NSMCE2: variants seen among roughly 807,000 people sequenced by gnomAD.
NSMCE2 encodes the protein NSE2 SUMO ligase component of SMC5/6 complex.
A neutral mutation model predicts 23.8 loss-of-function variants in NSMCE2; 24 were observed. The ratio of observed to expected loss-of-function variants is 1.01; its 90% CI spans 0.73 to 1.42. The LOEUF is 1.42. Ranked by LOEUF, NSMCE2 falls within the 40% of genes most tolerant of loss-of-function variation. The probability of loss-of-function intolerance (pLI) is 0.00; values close to 1 mark genes in which losing one functional copy is unlikely to be tolerated. For missense variants in NSMCE2, 284 were observed against 296.5 expected (o/e 0.96, Z 0.31); for synonymous variants, 92 against 94.1 (o/e 0.98, Z 0.13).
intron 5 of NSMCE2, among the ~76,000 whole-genome samples, chr8:125,198,028 C>T (rs1304652480): frequency 6.6e-6 from 1 of 152,146 alleles, no homozygotes; most frequent in East Asian, 1.9e-4. Context: ...GATTTTTGCA[C>T]ATTGATTTTG....
intron 3 of NSMCE2, among the ~76,000 whole-genome samples, chr8:125,145,536 ATCACTTAGGT>A (rs1309989248): frequency 6.6e-6 from 1 of 152,132 alleles, no homozygotes; most frequent in Non-Finnish European, 1.5e-5. Flanking sequence ...GTTCAAATAT[ATCACTTAGGT>A]TCATTTGATT....
chr8:125,104,571 A>G (rs1818366552), intron 3 of NSMCE2, among the ~76,000 whole-genome samples: 1 of 152,162 alleles, frequency 6.6e-6, no homozygotes, highest in Non-Finnish European at 1.5e-5. Flanking sequence ...TGTTCACTTT[A>G]TAGCTGTCAG....
intron 5 of NSMCE2, among the ~76,000 whole-genome samples, chr8:125,295,308 A>T (rs781362107): frequency 3.2e-4 from 49 of 152,162 alleles, no homozygotes; most frequent in Non-Finnish European, 6.6e-4. Flanking sequence ...TTGGAAGGTG[A>T]CAGAGTTTCA....
intron 5 of NSMCE2, among the ~76,000 whole-genome samples, chr8:125,276,200 C>T (rs1586707107): frequency 6.6e-6 from 1 of 152,198 alleles, no homozygotes; most frequent in East Asian, 1.9e-4. Flanking sequence ...CTGCCCAGGG[C>T]CAGCATTGAC....
intron 5 of NSMCE2, among the ~76,000 whole-genome samples, chr8:125,226,645 G>A (rs1440612580): frequency 6.6e-6 from 1 of 152,202 alleles, no homozygotes; most frequent in Non-Finnish European, 1.5e-5. Context: ...ACTTGTCTGA[G>A]AGGGAGTGGG....
At chr8:125,362,548 C>T (rs982825491) in intron 7 of NSMCE2, among the ~76,000 whole-genome samples, 1 of 152,206 alleles carries the variant, frequency 6.6e-6, no homozygotes, top group Non-Finnish European at 1.5e-5. Context: ...GTCCTTGACA[C>T]ACATCAGCCT....
At chr8:125,339,349 A>G (rs1392146449) in intron 5 of NSMCE2, among the ~76,000 whole-genome samples, 2 of 152,068 alleles carry the variant, frequency 1.3e-5, no homozygotes, top group African/African-American at 4.8e-5. Flanking sequence ...ACACTAGACT[A>G]GAGTCCTTTG....
At chr8:125,300,169 C>CTT (rs531442143) in intron 5 of NSMCE2, among the ~76,000 whole-genome samples, 1 of 142,414 alleles carries the variant, frequency 7.0e-6, no homozygotes. Flanking sequence ...GGCTGTGCCT[C>CTT]TTTTTTTTTT....
intron 5 of NSMCE2, among the ~76,000 whole-genome samples, chr8:125,309,465 G>A (rs1828893642): frequency 6.6e-6 from 1 of 152,212 alleles, no homozygotes; most frequent in Admixed American, 6.5e-5. Context: ...GCTTATGCCT[G>A]TAATCCCAGC....
chr8:125,240,695 T>G (rs1032556322), intron 5 of NSMCE2, among the ~76,000 whole-genome samples: 1 of 151,744 alleles, frequency 6.6e-6, no homozygotes, highest in Non-Finnish European at 1.5e-5. Context: ...TGTGTGTCTG[T>G]GTCTTGTGTG....
chr8:125,166,257 A>G (rs1358202225), intron 4 of NSMCE2, among the ~76,000 whole-genome samples: 1 of 152,030 alleles, frequency 6.6e-6, no homozygotes, highest in Non-Finnish European at 1.5e-5. Context: ...CATACTAAAT[A>G]GGTTTTGTTG....
chr8:125,152,034 T>C (rs1001290815), intron 4 of NSMCE2, among the ~76,000 whole-genome samples: 5 of 152,236 alleles, frequency 3.3e-5, no homozygotes, highest in African/African-American at 1.2e-4. Context: ...TCAAATATTT[T>C]ACAAGATCAG....
intron 5 of NSMCE2, among the ~76,000 whole-genome samples, chr8:125,303,193 G>C (rs1828629345): frequency 6.6e-6 from 1 of 152,162 alleles, no homozygotes; most frequent in Non-Finnish European, 1.5e-5. Context: ...GCCTCCCTCT[G>C]TGAACCTGCA....
In NSMCE2 at chr8:125,142,589, A is replaced by G. The variant is rs559715821; in HGVS notation, c.158-8582A>G. 3.5e-3 allele frequency among the ~76,000 whole-genome samples: 527 copies of G among 152,002 alleles called. 4 individuals are homozygous for G. Among genetic ancestry groups the G allele is most frequent in the African/African-American group, 0.012 (500 of 41,470 alleles). On this transcript the variant is annotated intron_variant, in intron 3 of 7. Transcript: ENST00000287437. ...TTCACTATGATTTCTAGTGGGCGGC[A>G]GTTATAAAATGTGTATTCAGTTTTT... is the stretch of plus-strand genomic sequence containing the variant.
intron 4 of NSMCE2, among the ~76,000 whole-genome samples, chr8:125,173,908 T>A (rs1318992914): frequency 1.3e-5 from 2 of 152,202 alleles, no homozygotes; most frequent in African/African-American, 4.8e-5. Context: ...AGCTGCCTAT[T>A]CCTCATATCT....
chr8:125,231,011 T>C (rs1385684463), intron 5 of NSMCE2, among the ~76,000 whole-genome samples: 2 of 152,142 alleles, frequency 1.3e-5, no homozygotes, highest in East Asian at 3.8e-4. Context: ...CAATATAGAT[T>C]GGTGGTTGAT....
chr8:125,195,879 CTTTTTTTTTTTT>C (rs34687223), intron 5 of NSMCE2, among the ~76,000 whole-genome samples: 10 of 83,628 alleles, frequency 1.2e-4, no homozygotes, highest in Admixed American at 7.5e-4. Context: ...TCCTGAATAA[CTTTTTTTTTTTT>C]TTTTTTTTTT....
intron 5 of NSMCE2, among the ~76,000 whole-genome samples, chr8:125,223,981 C>T (rs1179838677): frequency 6.6e-6 from 1 of 151,946 alleles, no homozygotes; most frequent in Non-Finnish European, 1.5e-5. Flanking sequence ...GGACTACAGG[C>T]ACACAAAACC....
chr8:125,159,866 A>G (rs1387217536), intron 4 of NSMCE2, among the ~76,000 whole-genome samples: 1 of 152,024 alleles, frequency 6.6e-6, no homozygotes, highest in Non-Finnish European at 1.5e-5. Context: ...AGGCTGAGGC[A>G]GGAGAATCGC....
Sources: gnomAD v4.1 joint callset for allele counts (sites outside exome capture counted in the v4.1 genomes callset) on GRCh38, gnomAD v4.1.1 for gene constraint, MANE v1.5 for transcripts, NCBI Gene and HGNC (gene_info 2026-07-23, HGNC 2026-07-21) for gene names.